Variants in TMEM87B observed in about 807,000 individuals in gnomAD.
TMEM87B encodes transmembrane protein 87B.
Under a neutral mutation model 80.3 loss-of-function variants are expected in TMEM87B, and 83 were observed. The ratio of observed to expected loss-of-function variants is 1.03; its 90% CI spans 0.87 to 1.24. The LOEUF (loss-of-function observed/expected upper bound fraction) is 1.24, where lower values mean the gene tolerates loss of function less well. TMEM87B is among the 50% of genes most tolerant of loss of function. TMEM87B has a pLI of 0.00. For synonymous variants in TMEM87B, 219 were observed against 230.5 expected (o/e 0.95, Z 0.45); for missense variants, 625 against 674.4 (o/e 0.93, Z 0.81).
At chr2:112,067,406 G>C (rs1678469087) in intron 4 of TMEM87B, among the ~76,000 whole-genome samples, 1 of 152,104 alleles carries the variant, frequency 6.6e-6, no homozygotes, top group Non-Finnish European at 1.5e-5. Flanking sequence ...TCAGGAGTTT[G>C]AGACCAGCCT....
intron 6 of TMEM87B, among the ~76,000 whole-genome samples, chr2:112,080,302 C>G (rs1342096771): frequency 3.3e-5 from 5 of 151,504 alleles, no homozygotes; most frequent in African/African-American, 1.2e-4. Flanking sequence ...CTCTGTCGCC[C>G]AGGCTGGAGT....
At chr2:112,081,236 A>G (rs1195239712) in intron 7 of TMEM87B, 99 bp from the exon 8 acceptor site, 2 of 1,425,060 alleles carry the variant, frequency 1.4e-6, no homozygotes, top group Non-Finnish European at 1.9e-6. Flanking sequence ...CTGGTTCCAG[A>G]GTGACTGGAA....
Position 112,071,562 on chromosome 2 carries a change from C to T in TMEM87B, c.451-3350C>T, listed in dbSNP as rs1432903377. Among the ~76,000 whole-genome samples, 5 of 151,974 alleles carry T rather than the reference C, an allele frequency of 3.3e-5. No homozygotes were observed. In the East Asian group the frequency reaches 7.7e-4, roughly 23 times the overall value. On this transcript the variant is annotated intron_variant, in intron 4 of 18. Coordinates refer to ENST00000283206, the MANE Select transcript of TMEM87B (RefSeq NM_032824.3). ...CCTTAAGTGATCCTGCTGCCTTGGC[C>T]TCCCAAAGTGCTGGGATTACAGGAG... is the stretch of plus-strand genomic sequence containing the variant.
chr2:112,107,838 T>C lies in TMEM87B; in HGVS notation c.1575T>C (p.Asp525=). 1 of 1,582,652 alleles carries C rather than the reference T, an allele frequency of 6.3e-7. No homozygotes were observed. Among genetic ancestry groups the C allele is most frequent in the Admixed American group, 1.7e-5 (1 of 59,246 alleles). Residue 525 remains aspartate, a splice_region_variant and synonymous_variant, in exon 17 of 19, where the codon GAT becomes GAC. Transcript: ENST00000283206. ...VEENIPSSFT[D]VALPVLVDSD... ...AAAATATTCCCTCTTCATTCACAGA[T>C]GTGTAAGTTATCTTCTGTTACAGTT...
chr2:112,078,824 A>G (rs1001885809), intron 6 of TMEM87B, among the ~76,000 whole-genome samples: 1 of 152,246 alleles, frequency 6.6e-6, no homozygotes, highest in African/African-American at 2.4e-5. Flanking sequence ...AGTTACGTCA[A>G]GGAAGATAAG....
chr2:112,064,517 A>G (rs550810651), intron 3 of TMEM87B, among the ~76,000 whole-genome samples: 1 of 152,360 alleles, frequency 6.6e-6, no homozygotes, highest in East Asian at 1.9e-4. Context: ...ATACATACAA[A>G]TAAATGCTTA....
At chr2:112,095,298 G>A (rs1679435964) in intron 11 of TMEM87B, 2 of 977,162 alleles carry the variant, frequency 2.0e-6, no homozygotes, top group South Asian at 4.8e-5. Flanking sequence ...TTGTGCTGGT[G>A]GATATCCTTT....
chr2:112,096,805 G>GT (rs1302807163), intron 11 of TMEM87B, among the ~76,000 whole-genome samples: 1 of 152,192 alleles, frequency 6.6e-6, no homozygotes, highest in African/African-American at 2.4e-5. Flanking sequence ...GGTCTTCCGT[G>GT]TTTTTTCCTT....
intron 11 of TMEM87B, chr2:112,095,164 T>C: frequency 1.1e-6 from 1 of 912,874 alleles, no homozygotes; most frequent in Non-Finnish European, 1.3e-6. Context: ...TTTCTTTCTT[T>C]CTTTTTTTTT....
chr2:112,097,936 T>C (rs528450742), intron 13 of TMEM87B, among the ~76,000 whole-genome samples: 2 of 152,018 alleles, frequency 1.3e-5, no homozygotes, highest in Admixed American at 1.3e-4. Context: ...AAGACTGGCA[T>C]GTTTCTAGGA....
chr2:112,085,953 G>A, intron 8 of TMEM87B, 52 bp from the exon 9 acceptor site: 1 of 1,478,800 alleles, frequency 6.8e-7, no homozygotes, highest in Non-Finnish European at 9.3e-7. Flanking sequence ...ATCTTGGTTG[G>A]CAGGCTTCCA....
intron 2 of TMEM87B, 60 bp from the exon 3 acceptor site, chr2:112,064,102 A>T: frequency 1.4e-6 from 2 of 1,409,074 alleles, no homozygotes; most frequent in Non-Finnish European, 2.0e-6. Context: ...TCAAAACCTT[A>T]AGTTTATATT....
chr2:112,069,258 A>G (rs972543930), intron 4 of TMEM87B, among the ~76,000 whole-genome samples: 8 of 150,674 alleles, frequency 5.3e-5, no homozygotes, highest in African/African-American at 2.0e-4. Context: ...AATTATTTCC[A>G]TGACACAGGT....
At chr2:112,086,329 GAATA>G (rs1270522522) in intron 9 of TMEM87B, among the ~76,000 whole-genome samples, 3 of 152,270 alleles carry the variant, frequency 2.0e-5, no homozygotes, top group South Asian at 2.1e-4. Context: ...ATAGTTAGAT[GAATA>G]AATAATCAAC....
At chr2:112,111,156 G>A (rs1371098474) in intron 17 of TMEM87B, among the ~76,000 whole-genome samples, 2 of 152,090 alleles carry the variant, frequency 1.3e-5, no homozygotes, top group African/African-American at 4.8e-5. Flanking sequence ...TAATGCTGAA[G>A]GCATGTGTCT....
Position 112,088,846 on chromosome 2 carries a change from C to G in TMEM87B, c.939-779C>G, listed in dbSNP as rs376428706. Among the ~76,000 whole-genome samples, 125 of 152,182 alleles carry G rather than the reference C, an allele frequency of 8.2e-4. 1 individual carries two copies. The highest frequency in any genetic ancestry group is 2.8e-3 in the African/African-American group (117 of 41,534). The stretch of plus-strand genomic sequence containing the variant: ...CGATCTTGGCTCACTGCAACCTCTG[C>G]CTCCTAAGTTCAAGCGATTCTCGTG... On this transcript the variant is annotated intron_variant, in intron 9 of 18. Coordinates refer to ENST00000283206, the MANE Select transcript of TMEM87B (RefSeq NM_032824.3).
chr2:112,065,643 CAAAAAA>C (rs58619427), intron 3 of TMEM87B, among the ~76,000 whole-genome samples: 2 of 75,350 alleles, frequency 2.7e-5, no homozygotes, highest in Admixed American at 1.5e-4. Flanking sequence ...ACCTTGTCTT[CAAAAAA>C]AAAAAAAAAA....
chr2:112,098,084 T>C (rs1019094412), intron 13 of TMEM87B, among the ~76,000 whole-genome samples: 1 of 152,116 alleles, frequency 6.6e-6, no homozygotes, highest in African/African-American at 2.4e-5. Flanking sequence ...GAAGCAATTA[T>C]CTGCCTCAGC....
chr2:112,060,857 ATCT>A (rs1418868583), intron 2 of TMEM87B, among the ~76,000 whole-genome samples: 5 of 152,144 alleles, frequency 3.3e-5, no homozygotes, highest in African/African-American at 1.2e-4. Flanking sequence ...GATTTTTCTG[ATCT>A]TCTTTCAGAA....
Sources: allele counts gnomAD v4.1 joint callset (sites outside exome capture counted in the v4.1 genomes callset), GRCh38; gene constraint gnomAD v4.1.1; transcripts MANE v1.5; gene names NCBI Gene and HGNC (gene_info 2026-07-23, HGNC 2026-07-21).